Variants in SYCP2 observed in about 807,000 individuals in gnomAD.
The protein encoded by SYCP2 is synaptonemal complex lateral element protein.
SYCP2 carries 55 observed loss-of-function variants against 211.3 expected under a neutral mutation model. The ratio of observed to expected loss-of-function variants is 0.26; its 90% confidence interval spans 0.21 to 0.33. The LOEUF (loss-of-function observed/expected upper bound fraction) is 0.33. Ranked by LOEUF, SYCP2 falls within the 10% of genes least tolerant of loss-of-function variation. SYCP2 has a pLI of 1.00. For missense variants in SYCP2, 1,731 were observed against 1,752.0 expected (o/e 0.99, Z 0.21); for synonymous variants, 570 against 555.2 (o/e 1.03, Z -0.37).
chr20:59,906,716 A>G (rs2060220523), intron 15 of SYCP2, among the ~76,000 whole-genome samples: 1 of 152,160 alleles, frequency 6.6e-6, no homozygotes, highest in African/African-American at 2.4e-5. Flanking sequence ...TGCTCACCAG[A>G]TATCATTAAG....
intron 22 of SYCP2, 145 bp downstream of exon 22, chr20:59,892,997 T>C (rs2059937180): frequency 1.5e-6 from 1 of 653,702 alleles, no homozygotes. Flanking sequence ...ACCATATACA[T>C]AATTCCCCAT....
At chr20:59,900,556 C>A (rs1245197003) in intron 17 of SYCP2, among the ~76,000 whole-genome samples, 188 bp downstream of exon 17, 5 of 151,916 alleles carry the variant, frequency 3.3e-5, no homozygotes, top group Non-Finnish European at 5.9e-5. Context: ...TATTAATAAC[C>A]CTACTCTTTA....
chr20:59,898,125 T>C (rs557631078), intron 18 of SYCP2, among the ~76,000 whole-genome samples: 1 of 151,870 alleles, frequency 6.6e-6, no homozygotes, highest in South Asian at 2.1e-4. Context: ...ATCTCAAAAA[T>C]TAAATAAAAA....
chr20:59,899,580 G>T (rs537720855), intron 18 of SYCP2, among the ~76,000 whole-genome samples: 2 of 152,266 alleles, frequency 1.3e-5, no homozygotes, highest in South Asian at 4.1e-4. Context: ...TTTTTCTAAT[G>T]TAGTAATAGA....
chr20:59,895,585 C>CGTG lies in SYCP2; in HGVS notation c.1514_1516dup (p.Pro505dup), dbSNP rs1568945354. 6.2e-7 allele frequency: 1 copy of CGTG among 1,612,946 alleles called. No individual in the cohort carries two copies. Among genetic ancestry groups the CGTG allele is most frequent in the East Asian group, 2.2e-5 (1 of 44,802 alleles). ...CAGTGGTGGTTTAATTCTTCTTCTTCGTGGTGGTATTGCTAAAAAGGAGGA... is the reference window on the plus strand; with the variant it reads ...CAGTGGTGGTTTAATTCTTCTTCTTCGTGGTGGTGGTATTGCTAAAAAGGAGGA... On this transcript the variant is annotated inframe_insertion, in exon 20 of 45. Transcript: ENST00000357552.
Position 59,881,025 on chromosome 20 carries a change from T to A in SYCP2, c.2715-2A>T. ...TCATCATGATTCCTTGGACCTACCC[T>A]TAAACAAAAATATGTATTAATTAAA... On this transcript the variant is annotated splice_acceptor_variant, in intron 29 of 44. Transcript: ENST00000357552. LOFTEE classifies it high-confidence loss of function. 6.8e-7 allele frequency: 1 copy of A among 1,480,278 alleles called. No individual in the cohort carries two copies. Among genetic ancestry groups the A allele is most frequent in the Non-Finnish European group, 9.2e-7 (1 of 1,083,170 alleles). The allele number at this position is 1,480,278 out of a possible 1,614,324, so 91.7% of individuals were successfully genotyped here.
rs749355115 is a variant in SYCP2, at chr20:59,892,348, T to C, written c.2006A>G (p.Lys669Arg). The C allele has an allele frequency of 1.5e-5, 24 of 1,602,628 alleles. No homozygotes were observed. The highest frequency in any genetic ancestry group is 2.0e-5 in the Non-Finnish European group (24 of 1,172,988). Residue 669 changes from lysine to arginine, a missense_variant, in exon 24 of 45, where the codon AAA (lysine) becomes AGA (arginine). Lys to Arg is a conservative substitution (Grantham distance 26). Coordinates refer to ENST00000357552, the MANE Select transcript of SYCP2 (RefSeq NM_014258.4). ...ISDHNSEGTG[K>R]VKYKKEQTDH... is the part of the protein sequence containing the mutation. Reference sequence around the variant, plus strand: ...GGTTTGTTCTTTCTTATATTTCACTTTTCCTGTTCCTTCAGAATTATGATC... The same window carrying C: ...GGTTTGTTCTTTCTTATATTTCACTCTTCCTGTTCCTTCAGAATTATGATC...
intron 6 of SYCP2, 61 bp downstream of exon 6, chr20:59,919,432 A>C (rs1346733166): frequency 2.2e-5 from 28 of 1,289,654 alleles, no homozygotes; most frequent in Non-Finnish European, 3.1e-5. Flanking sequence ...CAGAGAACAC[A>C]AATTGTTTTT....
At chr20:59,910,402 A>ATTTTTTTT (rs2060297560) in intron 14 of SYCP2, among the ~76,000 whole-genome samples, 1 of 35,392 alleles carries the variant, frequency 2.8e-5, no homozygotes, top group African/African-American at 3.2e-4. Context: ...TTTTTTTTTG[A>ATTTTTTTT]GACAGTCTCC....
chr20:59,933,054 G>A (rs1004721808), intron 1 of SYCP2, among the ~76,000 whole-genome samples: 1 of 151,942 alleles, frequency 6.6e-6, no homozygotes, highest in African/African-American at 2.4e-5. Flanking sequence ...CCCGAGATGC[G>A]CCCCAGGCCG....
intron 15 of SYCP2, among the ~76,000 whole-genome samples, chr20:59,906,975 AAT>A (rs2060225877): frequency 6.6e-6 from 1 of 152,212 alleles, no homozygotes; most frequent in Non-Finnish European, 1.5e-5. Flanking sequence ...GAAATGATAA[AAT>A]ATGTCTTAAT....
At chr20:59,911,148 A>C (rs1021740152) in intron 14 of SYCP2, among the ~76,000 whole-genome samples, 14 of 152,190 alleles carry the variant, frequency 9.2e-5, no homozygotes, top group African/African-American at 2.7e-4. Flanking sequence ...GCATAATTTG[A>C]GCTAAATGTA....
chr20:59,928,266 A>AT (rs994538081), intron 2 of SYCP2, among the ~76,000 whole-genome samples: 16 of 152,188 alleles, frequency 1.1e-4, no homozygotes, highest in African/African-American at 2.7e-4. Flanking sequence ...AGACAATTGC[A>AT]TTTTTTAATA....
In SYCP2 at chr20:59,919,190, A is replaced by G. The variant is rs762371152; in HGVS notation, c.403-8T>C. On this transcript the variant is annotated splice_region_variant and splice_polypyrimidine_tract_variant and intron_variant, in intron 6 of 44. Transcript: ENST00000357552. ...ACTGACATCATGTATGACCTGAAAA[A>G]AAGTGAATAATATTTAATTTACAAG... The G allele has an allele frequency of 8.2e-7, 1 of 1,225,738 alleles. No homozygotes were observed. Among genetic ancestry groups the G allele is most frequent in the Non-Finnish European group, 1.2e-6 (1 of 849,398 alleles). The allele number at this position is 1,225,738 out of a possible 1,614,324, so 75.9% of individuals were successfully genotyped here.
At chr20:59,913,177 A>G (rs940208933) in intron 12 of SYCP2, among the ~76,000 whole-genome samples, 1 of 152,074 alleles carries the variant, frequency 6.6e-6, no homozygotes, top group Non-Finnish European at 1.5e-5. Context: ...CTTAGATACT[A>G]TTTTACATAG....
At chr20:59,896,869 A>G (rs1316789674) in intron 18 of SYCP2, among the ~76,000 whole-genome samples, 1 of 152,172 alleles carries the variant, frequency 6.6e-6, no homozygotes, top group Non-Finnish European at 1.5e-5. Context: ...TTCCTATTCT[A>G]TATCATGAGG....
At chr20:59,919,224 TA>T in intron 6 of SYCP2, 42 bp from the exon 7 acceptor site, 3 of 1,000,172 alleles carry the variant, frequency 3.0e-6, no homozygotes, top group Non-Finnish European at 4.6e-6. Flanking sequence ...AGTTACTATA[TA>T]TTACAAACCA....
chr20:59,930,396 G>C (rs6128723), intron 2 of SYCP2, among the ~76,000 whole-genome samples: 3 of 152,140 alleles, frequency 2.0e-5, no homozygotes, highest in African/African-American at 7.2e-5. Flanking sequence ...CAAGTGCTTA[G>C]GTAAGAGAAA....
At chr20:59,866,460 T>A (rs770370691) in intron 40 of SYCP2, 35 bp downstream of exon 40, 3 of 1,575,110 alleles carry the variant, frequency 1.9e-6, no homozygotes, top group Non-Finnish European at 1.7e-6. Flanking sequence ...ATATGTAGCA[T>A]TCAAAAGTTT....
Sources: allele counts gnomAD v4.1 joint callset (sites outside exome capture counted in the v4.1 genomes callset), GRCh38; gene constraint gnomAD v4.1.1; transcripts MANE v1.5; gene names NCBI Gene and HGNC (gene_info 2026-07-23, HGNC 2026-07-21).